CLSTN3: variants seen among roughly 807,000 people sequenced by gnomAD.
CLSTN3 encodes calsyntenin-3.
CLSTN3 carries 36 observed loss-of-function variants against 95.9 expected under a neutral mutation model. The observed-to-expected ratio is 0.38, with a 90% CI of 0.29 to 0.50. CLSTN3 has a LOEUF of 0.50. Ranked by LOEUF, CLSTN3 falls within the 20% of genes least tolerant of loss-of-function variation. The pLI is 0.95. For synonymous variants in CLSTN3, 481 were observed against 504.0 expected, an observed-to-expected ratio of 0.95 and a Z score of 0.61; for missense variants, 1,084 against 1,268.8, an observed-to-expected ratio of 0.85 and a Z score of 2.21.
At chr12:7,147,433 A>G (rs1250930116) in intron 12 of CLSTN3, among the ~76,000 whole-genome samples, 1 of 145,002 alleles carries the variant, frequency 6.9e-6, no homozygotes, top group African/African-American at 2.5e-5. Context: ...AAATCAGTGG[A>G]CCTGGAAGGA....
At position 7,149,655 on chromosome 12, in the gene CLSTN3, T is replaced by C; in HGVS notation, c.2207T>C (p.Leu736Pro). Residue 736 changes from leucine to proline, a missense_variant, in exon 14 of 18, where the codon CTG (leucine) becomes CCG (proline). Coordinates refer to ENST00000266546, the MANE Select transcript of CLSTN3 (RefSeq NM_014718.4). This position sits in a 1 kb window ranked among gnomAD's most constrained non-coding sequence, Gnocchi z 4.5. ...LDTTSLQQRG[L>P]ELTNTSAYLT... ...ACAACCTCTCTGCAGCAGCGGGGGC[T>C]GGAGCTCACCAACACATCTGCCTAC... is the stretch of plus-strand genomic sequence containing the variant. 6.2e-7 allele frequency: 1 copy of C among 1,614,186 alleles called. No individual in the cohort carries two copies. The highest frequency in any genetic ancestry group is 8.5e-7 in the Non-Finnish European group (1 of 1,180,008).
At chr12:7,151,177 T>C (rs1939718741) in intron 16 of CLSTN3, 114 bp downstream of exon 16, 9 of 1,256,140 alleles carry the variant, frequency 7.2e-6, no homozygotes. Flanking sequence ...GAGCAATGGG[T>C]TCTGTTCCCT....
Position 7,137,446 on chromosome 12 carries a change from G to A in CLSTN3, c.1210+336G>A. On this transcript the variant is annotated intron_variant, in intron 7 of 17. Transcript: ENST00000266546. The surrounding 1 kb of genome is among the most constrained non-coding windows in gnomAD (Gnocchi z 4.4). Reference sequence around the variant, plus strand: ...TTGCAATGGGAAAGCCTGGGTAATGGTGTGCCCCATTCTTTCATCATCCCA... The same window carrying A: ...TTGCAATGGGAAAGCCTGGGTAATGATGTGCCCCATTCTTTCATCATCCCA... 2 of 325,322 alleles carry A rather than the reference G, an allele frequency of 6.1e-6. No homozygotes were observed. The highest frequency in any genetic ancestry group is 8.6e-5 in the Admixed American group (2 of 23,144). The allele number at this position is 325,322 out of a possible 1,614,324, so 20.2% of individuals were successfully genotyped here. A position where few individuals can be genotyped will look rare whatever the true frequency, so the allele number is the denominator to read the frequency against.
chr12:7,135,696 G>A lies in CLSTN3; in HGVS notation c.593-108G>A, dbSNP rs138539386. The A allele has an allele frequency of 1.2e-3, 1,780 of 1,432,410 alleles. 14 individuals are homozygous for A. The African/African-American group carries it at 0.02, about 16-fold the overall frequency. 88.7% of individuals were successfully genotyped at this position (1,432,410 alleles called of 1,614,324 possible). A position where few individuals can be genotyped will look rare whatever the true frequency, so the allele number is the denominator to read the frequency against. On this transcript the variant is annotated intron_variant, in intron 4 of 17. Coordinates refer to ENST00000266546, the MANE Select transcript of CLSTN3 (RefSeq NM_014718.4). The stretch of plus-strand genomic sequence containing the variant: ...CCTCCCAGATGCCTTTTTTCCCAGC[G>A]TCCTGCTGCCTAACCTGCCTGCTGC...
In CLSTN3 at chr12:7,136,860, C is replaced by T; in HGVS notation, c.960C>T (p.Pro320=). The change falls in exon 7 of 18, where the codon CCC becomes CCT. Residue 320 remains proline, a synonymous_variant. Coordinates refer to ENST00000266546, the MANE Select transcript of CLSTN3 (RefSeq NM_014718.4). ...CCACTGGGGAGGTGGATCTGTTGCCCATGCCTGGCCCCAATGCCAACTGGA... is the reference window on the plus strand; with the variant it reads ...CCACTGGGGAGGTGGATCTGTTGCCTATGCCTGGCCCCAATGCCAACTGGA... ...GAATGEVDLL[P]MPGPNANWTA... 6.2e-7 allele frequency: 1 copy of T among 1,614,138 alleles called. No homozygotes were observed. Among genetic ancestry groups the T allele is most frequent in the Non-Finnish European group, 8.5e-7 (1 of 1,180,002 alleles).
rs1436284751 is a variant in CLSTN3, at chr12:7,133,187, G to A, written c.187+41G>A. 1.4e-6 allele frequency: 2 copies of A among 1,383,240 alleles called. No individual in the cohort carries two copies. Among genetic ancestry groups the A allele is most frequent in the Non-Finnish European group, 2.0e-6 (2 of 1,021,852 alleles). 85.7% of individuals were successfully genotyped at this position (1,383,240 alleles called of 1,614,324 possible). A position where few individuals can be genotyped will look rare whatever the true frequency, so the allele number is the denominator to read the frequency against. ...GGATGGCAAGGCAGGGTAGGACAGA[G>A]AAAAGTGGGTGGGAGGGCCAAGAGC... On this transcript the variant is annotated intron_variant, in intron 2 of 17. Transcript: ENST00000266546. This position sits in a 1 kb window ranked among gnomAD's most constrained non-coding sequence, Gnocchi z 4.7.
Position 7,138,004 on chromosome 12 carries a change from C to T in CLSTN3, c.1260C>T (p.Ala420=). The change falls in exon 8 of 18, where the codon GCC becomes GCT. Residue 420 remains alanine, a synonymous_variant. Transcript: ENST00000266546. ...YSLTVHGCRI[A]FLYWPLLESA... Reference sequence around the variant, plus strand: ...TGACTGTCCACGGCTGTAGGATTGCCTTCCTCTACTGGCCCCTGCTTGAGA... The same window carrying T: ...TGACTGTCCACGGCTGTAGGATTGCTTTCCTCTACTGGCCCCTGCTTGAGA... 1 of 1,613,996 alleles carries T rather than the reference C, an allele frequency of 6.2e-7. No homozygotes were observed. Among genetic ancestry groups the T allele is most frequent in the Non-Finnish European group, 8.5e-7 (1 of 1,179,986 alleles).
In CLSTN3 at chr12:7,133,848, C is replaced by A. The variant is rs892715767; in HGVS notation, c.383+80C>A. ...CCAAGCCCACCATCCTCTGTCCGTGCGGTCATCGAATATCCACCCCCACCC... is the reference window on the plus strand; with the variant it reads ...CCAAGCCCACCATCCTCTGTCCGTGAGGTCATCGAATATCCACCCCCACCC... On this transcript the variant is annotated intron_variant, in intron 3 of 17. Coordinates refer to ENST00000266546, the MANE Select transcript of CLSTN3 (RefSeq NM_014718.4). This position sits in a 1 kb window ranked among gnomAD's most constrained non-coding sequence, Gnocchi z 4.7. 2 of 1,212,630 alleles carry A rather than the reference C, an allele frequency of 1.6e-6. No individual in the cohort carries two copies. The highest frequency in any genetic ancestry group is 1.5e-5 in the South Asian group (1 of 66,378). 75.1% of individuals were successfully genotyped at this position (1,212,630 alleles called of 1,614,324 possible).
rs772924137 is a variant in CLSTN3 at position 7,136,185 on chromosome 12, CT to C, written c.743-20del. The C allele has an allele frequency of 1.1e-5, 17 of 1,609,544 alleles. 1 individual carries two copies. In the South Asian group the frequency reaches 1.7e-4, roughly 16 times the overall value. ...TTTACCCTTCTCTCTCCCCATCACC[CT>C]CTCTGTCTCACCCATGCAGGCTGGA... On this transcript the variant is annotated intron_variant, in intron 5 of 17. Coordinates refer to ENST00000266546, the MANE Select transcript of CLSTN3 (RefSeq NM_014718.4).
chr12:7,156,340 G>A (rs1469121700), intron 16 of CLSTN3: 5 of 448,632 alleles, frequency 1.1e-5, no homozygotes, highest in African/African-American at 6.0e-5. Flanking sequence ...TTCGAGAGCT[G>A]TGTGTGTGTG....
chr12:7,136,336 G>A lies in CLSTN3; in HGVS notation c.873G>A (p.Val291=). The part of the protein sequence containing the change: ...QATIELQTSH[V]AKGCDRDNYS... Reference sequence around the variant, plus strand: ...CCATAGAGCTGCAGACCAGCCATGTGGCCAAGGGCTGTGACCGTGACAACT... The same window carrying A: ...CCATAGAGCTGCAGACCAGCCATGTAGCCAAGGGCTGTGACCGTGACAACT... The change falls in exon 6 of 18, where the codon GTG becomes GTA. Residue 291 remains valine, a synonymous_variant. Coordinates refer to ENST00000266546, the MANE Select transcript of CLSTN3 (RefSeq NM_014718.4). 1 of 1,614,160 alleles carries A rather than the reference G, an allele frequency of 6.2e-7. No individual in the cohort carries two copies. Among genetic ancestry groups the A allele is most frequent in the Non-Finnish European group, 8.5e-7 (1 of 1,180,020 alleles).
In CLSTN3 at chr12:7,157,414, C is replaced by T. The variant is rs1591624075; in HGVS notation, c.2528-75C>T. On this transcript the variant is annotated intron_variant, in intron 16 of 17. Transcript: ENST00000266546. The surrounding 1 kb of genome is among the most constrained non-coding windows in gnomAD (Gnocchi z 5.9). ...TCCTTCAGCCCGGGCTGCCTCTTTT[C>T]CTACCCAGCCCCCTGTCCAAGTGCC... 7.4e-7 allele frequency: 1 copy of T among 1,355,910 alleles called. No individual in the cohort carries two copies. The allele number at this position is 1,355,910 out of a possible 1,614,324, so 84.0% of individuals were successfully genotyped here.
chr12:7,134,772 C>G (rs1215172518), intron 3 of CLSTN3, among the ~76,000 whole-genome samples: 2 of 152,216 alleles, frequency 1.3e-5, no homozygotes, highest in Admixed American at 6.5e-5. Context: ...GGATTTTATG[C>G]CTTACCCCTC....
At chr12:7,134,294 G>A (rs1485218828) in intron 3 of CLSTN3, among the ~76,000 whole-genome samples, 1 of 152,188 alleles carries the variant, frequency 6.6e-6, no homozygotes, top group East Asian at 1.9e-4. Flanking sequence ...TACACATATA[G>A]CTCTAGGTGA....
chr12:7,129,909 C>A, upstream of CLSTN3: 1 of 656,982 alleles, frequency 1.5e-6, no homozygotes, highest in Non-Finnish European at 1.9e-6. The surrounding 1 kb of genome is among the most constrained non-coding windows in gnomAD (Gnocchi z 5.5). Flanking sequence ...CGCCCTGTGG[C>A]TTCCTCGCAG....
rs376830897 is a variant in CLSTN3, at chr12:7,151,017, G to A, written c.2481G>A (p.Pro827=). ...TCCTGCACCGTGGTCACCAGCCCCC[G>A]CCTGAGATGGCTGGACACAGCCTAG... ...QQFLHRGHQP[P]PEMAGHSLAS... The change falls in exon 16 of 18, where the codon CCG becomes CCA. Residue 827 remains proline, a synonymous_variant. Coordinates refer to ENST00000266546, the MANE Select transcript of CLSTN3 (RefSeq NM_014718.4). 101 of 1,611,926 alleles carry A rather than the reference G, an allele frequency of 6.3e-5. No homozygotes were observed. The highest frequency in any genetic ancestry group is 3.2e-4 in the African/African-American group (24 of 74,996).
chr12:7,135,628 C>A, intron 4 of CLSTN3, 93 bp downstream of exon 4: 1 of 1,411,122 alleles, frequency 7.1e-7, no homozygotes, highest in Non-Finnish European at 9.9e-7. Flanking sequence ...CACTTTTGCC[C>A]CTCAGACCCT....
intron 1 of CLSTN3, chr12:7,131,817 G>A (rs1043299637): frequency 4.4e-6 from 2 of 456,362 alleles, no homozygotes; most frequent in Non-Finnish European, 8.8e-6. Context: ...CAGCATTCAG[G>A]AAGGGGTTAT....
chr12:7,131,464 C>T (rs1287756821), intron 1 of CLSTN3: 1 of 249,620 alleles, frequency 4.0e-6, no homozygotes, highest in Non-Finnish European at 8.0e-6. Flanking sequence ...GGAGATGAGG[C>T]GTGGGAGGGG....
Sources: allele counts gnomAD v4.1 joint callset (sites outside exome capture counted in the v4.1 genomes callset), GRCh38; gene constraint gnomAD v4.1.1; non-coding constraint Gnocchi (gnomAD v3.1); transcripts MANE v1.5; gene names NCBI Gene and HGNC (gene_info 2026-07-23, HGNC 2026-07-21).